The following INPP4B variants were observed in gnomAD, a reference collection of about 807,000 sequenced individuals.
The protein encoded by INPP4B is inositol polyphosphate-4-phosphatase type II B, also known as inositol polyphosphate 4-phosphatase type II.
INPP4B carries 55 observed loss-of-function variants against 122.5 expected under a neutral mutation model. That is an observed-to-expected ratio of 0.45 (90% CI 0.36 to 0.56). The LOEUF (loss-of-function observed/expected upper bound fraction) is 0.56, where lower values mean the gene tolerates loss of function less well. Among genes scored for constraint, INPP4B ranks in the 20% least tolerant of loss-of-function variants. INPP4B has a pLI of 0.00. For missense variants in INPP4B, 1,000 were observed against 1,097.7 expected, an observed-to-expected ratio of 0.91 and a Z score of 1.26; for synonymous variants, 403 against 388.7, an observed-to-expected ratio of 1.04 and a Z score of -0.43.
chr4:142,157,146 T>A (rs950572319), intron 17 of INPP4B, among the ~76,000 whole-genome samples: 7 of 152,148 alleles, frequency 4.6e-5, no homozygotes, highest in Non-Finnish European at 8.8e-5. Context: ...TACAAAGTTA[T>A]GTTTCTAATT....
chr4:142,837,037 G>A (rs1417169620), intron 1 of INPP4B, among the ~76,000 whole-genome samples: 3 of 151,736 alleles, frequency 2.0e-5, no homozygotes, highest in African/African-American at 2.4e-5. Context: ...GTGGTGGCAC[G>A]TGCCTGTAAT....
At chr4:142,340,513 T>C (rs1010527282) in intron 7 of INPP4B, among the ~76,000 whole-genome samples, 1 of 152,086 alleles carries the variant, frequency 6.6e-6, no homozygotes, top group Non-Finnish European at 1.5e-5. Flanking sequence ...GCTCAAGGGA[T>C]CCTCCCACCT....
intron 2 of INPP4B, among the ~76,000 whole-genome samples, chr4:142,646,119 T>C (rs1751724000): frequency 6.6e-6 from 1 of 152,212 alleles, no homozygotes; most frequent in South Asian, 2.1e-4. Context: ...ATTTTGTTTG[T>C]AGTCATAGTT....
rs1553955540 is a variant in INPP4B at position 142,544,130 on chromosome 4, G to GGT, written c.-190-81406_-190-81405dup. On this transcript the variant is annotated intron_variant, in intron 2 of 25. Transcript: ENST00000262992. ...CACAAATACTGCATGGTGTGTGTGTGGTGTGTGTGTGTGTGTGTGTGTGTG... is the reference window on the plus strand; with the variant it reads ...CACAAATACTGCATGGTGTGTGTGTGGTGTGTGTGTGTGTGTGTGTGTGTGTG... Among the ~76,000 whole-genome samples, 85 of 133,224 alleles carry GGT rather than the reference G, an allele frequency of 6.4e-4. 3 individuals are homozygous for GGT. The highest frequency in any genetic ancestry group is 2.4e-3 in the African/African-American group (83 of 34,984). 87.4% of individuals were successfully genotyped at this position (133,224 alleles called of 152,430 possible). A position where few individuals can be genotyped will look rare whatever the true frequency, so the allele number is the denominator to read the frequency against.
intron 2 of INPP4B, among the ~76,000 whole-genome samples, chr4:142,675,188 A>G (rs1183197803): frequency 6.6e-6 from 1 of 152,208 alleles, no homozygotes; most frequent in Non-Finnish European, 1.5e-5. Context: ...TACCACAGAA[A>G]TACAAACCAC....
At chr4:142,491,673 G>T (rs1341240894) in intron 2 of INPP4B, among the ~76,000 whole-genome samples, 1 of 151,756 alleles carries the variant, frequency 6.6e-6, no homozygotes, top group Non-Finnish European at 1.5e-5. Context: ...AAACAAAATG[G>T]GCCAAGAGTG....
At chr4:142,343,893 T>C (rs545568338) in intron 7 of INPP4B, among the ~76,000 whole-genome samples, 56 of 152,196 alleles carry the variant, frequency 3.7e-4, no homozygotes, top group African/African-American at 1.3e-3. Flanking sequence ...TTGAAACCAG[T>C]AAGCCACTAT....
At chr4:142,502,920 C>T (rs1823573822) in intron 2 of INPP4B, among the ~76,000 whole-genome samples, 1 of 152,102 alleles carries the variant, frequency 6.6e-6, no homozygotes, top group Admixed American at 6.6e-5. Flanking sequence ...GGATATCTGA[C>T]TTTACTCTGC....
intron 2 of INPP4B, among the ~76,000 whole-genome samples, chr4:142,463,762 C>T (rs1425983434): frequency 6.6e-6 from 1 of 151,952 alleles, no homozygotes; most frequent in African/African-American, 2.4e-5. Context: ...AAGATCTTCC[C>T]CCTTTTGCTC....
chr4:142,644,345 C>G (rs1437160889), intron 2 of INPP4B, among the ~76,000 whole-genome samples: 1 of 151,544 alleles, frequency 6.6e-6, no homozygotes, highest in Non-Finnish European at 1.5e-5. Flanking sequence ...GGAAAGAAGA[C>G]CTGTTTCCAC....
chr4:142,214,416 G>A (rs941896386), intron 12 of INPP4B, among the ~76,000 whole-genome samples: 10 of 152,054 alleles, frequency 6.6e-5, no homozygotes, highest in South Asian at 2.1e-4. Flanking sequence ...CTTCTTGAAC[G>A]GGCCCCACTT....
chr4:142,497,880 G>GA (rs914379612), intron 2 of INPP4B, among the ~76,000 whole-genome samples: 2 of 151,908 alleles, frequency 1.3e-5, no homozygotes, highest in African/African-American at 4.8e-5. Context: ...TAGAGAACAT[G>GA]AAAAAAATCA....
At chr4:142,538,011 T>C (rs184574946) in intron 2 of INPP4B, among the ~76,000 whole-genome samples, 38 of 152,170 alleles carry the variant, frequency 2.5e-4, no homozygotes, top group African/African-American at 9.2e-4. Context: ...TTAAAAAGTG[T>C]TGGAGAACTT....
intron 1 of INPP4B, among the ~76,000 whole-genome samples, chr4:142,742,258 C>T (rs539267044): frequency 6.6e-6 from 1 of 152,124 alleles, no homozygotes; most frequent in African/African-American, 2.4e-5. Context: ...AGGCCAGTAC[C>T]CTAGCATGAA....
intron 2 of INPP4B, among the ~76,000 whole-genome samples, chr4:142,656,510 C>T (rs979303416): frequency 3.3e-5 from 5 of 152,030 alleles, no homozygotes; most frequent in Non-Finnish European, 5.9e-5. Flanking sequence ...CTTCCTTTTT[C>T]GGGACTCACT....
At chr4:142,803,711 A>T (rs1262422565) in intron 1 of INPP4B, among the ~76,000 whole-genome samples, 1 of 151,982 alleles carries the variant, frequency 6.6e-6, no homozygotes, top group Non-Finnish European at 1.5e-5. Flanking sequence ...AGTAAGCAAG[A>T]CACTGATGTT....
rs1749440686 is a variant in INPP4B, at chr4:142,637,527, C to A, written c.-191+88312G>T. ...TTCCATGTATTGTCATGGCTTGATA[C>A]TTCATTTCTTTCTAGCATGGCATAG... On this transcript the variant is annotated intron_variant, in intron 2 of 25. Transcript: ENST00000262992. Among the ~76,000 whole-genome samples, 4 of 152,006 alleles carry A rather than the reference C, an allele frequency of 2.6e-5. No individual in the cohort carries two copies. In the South Asian group the frequency reaches 8.3e-4, roughly 32 times the overall value.
chr4:142,114,801 A>G (rs1442826927), intron 21 of INPP4B, among the ~76,000 whole-genome samples: 1 of 151,862 alleles, frequency 6.6e-6, no homozygotes, highest in African/African-American at 2.4e-5. Context: ...TTCTTCTTTT[A>G]TGGGTCTTGA....
intron 2 of INPP4B, among the ~76,000 whole-genome samples, chr4:142,537,429 T>TATATATATATATAGAGAGAG (rs1200701380): frequency 3.9e-4 from 10 of 25,476 alleles, no homozygotes; most frequent in Non-Finnish European, 7.3e-4. Context: ...TATATATATA[T>TATATATATATATAGAGAGAG]AGAGAGAGAG....
Sources: allele counts gnomAD v4.1 joint callset (sites outside exome capture counted in the v4.1 genomes callset), GRCh38; gene constraint gnomAD v4.1.1; transcripts MANE v1.5; gene names NCBI Gene and HGNC (gene_info 2026-07-23, HGNC 2026-07-21).